STXBP5: variants seen among roughly 807,000 people sequenced by gnomAD.
STXBP5 encodes the protein syntaxin-binding protein 5.
Under a neutral mutation model 152.4 loss-of-function variants are expected in STXBP5, and 50 were observed. The observed-to-expected ratio is 0.33, with a 90% CI of 0.26 to 0.42. The LOEUF (loss-of-function observed/expected upper bound fraction) is 0.42, where lower values mean the gene tolerates loss of function less well. Ranked by LOEUF, STXBP5 falls within the 10% of genes least tolerant of loss-of-function variation. STXBP5 has a pLI of 1.00. For synonymous variants in STXBP5, 492 were observed against 494.7 expected, an observed-to-expected ratio of 0.99 and a Z score of 0.07; for missense variants, 1,167 against 1,388.6, an observed-to-expected ratio of 0.84 and a Z score of 2.54.
chr6:147,368,225 A>G (rs1039474154), intron 25 of STXBP5, among the ~76,000 whole-genome samples: 33 of 151,758 alleles, frequency 2.2e-4, no homozygotes, highest in African/African-American at 7.7e-4. Context: ...CCTATAAACC[A>G]ATATCTCTCA....
At chr6:147,303,644 A>T (rs1339864906) in intron 9 of STXBP5, among the ~76,000 whole-genome samples, 1 of 152,206 alleles carries the variant, frequency 6.6e-6, no homozygotes, top group Non-Finnish European at 1.5e-5. Context: ...AGACAGAAAG[A>T]TGTAGGCGAG....
At chr6:147,321,760 T>G (rs1314054713) in intron 16 of STXBP5, among the ~76,000 whole-genome samples, 3 of 152,248 alleles carry the variant, frequency 2.0e-5, no homozygotes, top group African/African-American at 7.2e-5. Flanking sequence ...TGGAACTCTT[T>G]ATAAAACTTT....
chr6:147,205,304 C>T (rs542324646), intron 1 of STXBP5, among the ~76,000 whole-genome samples: 10 of 151,750 alleles, frequency 6.6e-5, no homozygotes, highest in African/African-American at 2.2e-4. Flanking sequence ...AAACTTGCCT[C>T]GGTTTTAATA....
At chr6:147,328,768 GTTC>G (rs1562249067) in intron 18 of STXBP5, 4 of 470,480 alleles carry the variant, frequency 8.5e-6, no homozygotes, top group African/African-American at 2.0e-5. Flanking sequence ...AAAAAACTAC[GTTC>G]TTCTTTTTTA....
chr6:147,319,687 T>G (rs1287617578), intron 16 of STXBP5, among the ~76,000 whole-genome samples: 1 of 152,164 alleles, frequency 6.6e-6, no homozygotes, highest in African/African-American at 2.4e-5. Flanking sequence ...CAGTATGTTT[T>G]ATAAAATGGA....
intron 16 of STXBP5, among the ~76,000 whole-genome samples, chr6:147,320,577 G>GTGTGTGTT (rs1554297933): frequency 1.5e-5 from 2 of 131,074 alleles, no homozygotes; most frequent in Admixed American, 8.0e-5. Context: ...GTGTGTGTGT[G>GTGTGTGTT]TGTGTGTGTG....
At chr6:147,359,674 T>C (rs1029135419) in intron 23 of STXBP5, among the ~76,000 whole-genome samples, 1 of 140,832 alleles carries the variant, frequency 7.1e-6, no homozygotes, top group Non-Finnish European at 1.5e-5. Flanking sequence ...TGTGTTCTCA[T>C]TGTTCAGTTC....
chr6:147,289,662 A>G (rs974773018), intron 8 of STXBP5, among the ~76,000 whole-genome samples: 5 of 152,296 alleles, frequency 3.3e-5, no homozygotes, highest in African/African-American at 7.2e-5. Flanking sequence ...TAAAAGAAGT[A>G]TACATGACCA....
rs1334000084 is a variant in STXBP5, at chr6:147,390,313, A to G, written c.*5558A>G. The G allele has an allele frequency of 6.6e-6, 1 of 152,078 alleles. No individual in the cohort carries two copies. The highest frequency in any genetic ancestry group is 1.5e-5 in the Non-Finnish European group (1 of 67,984). The allele number at this position is 152,078 out of a possible 1,614,324, so 9.4% of individuals were successfully genotyped here. A position where few individuals can be genotyped will look rare whatever the true frequency, so the allele number is the denominator to read the frequency against. On this transcript the variant is annotated 3_prime_UTR_variant, in exon 28 of 28. Transcript: ENST00000321680. Reference sequence around the variant, plus strand: ...AAAGTTTAAAATTAGGTAATGAAATATTTTTGTAAATAAATACCGTTAAGC... The same window carrying G: ...AAAGTTTAAAATTAGGTAATGAAATGTTTTTGTAAATAAATACCGTTAAGC...
intron 18 of STXBP5, among the ~76,000 whole-genome samples, chr6:147,332,819 C>T (rs927445507): frequency 1.3e-5 from 2 of 152,102 alleles, no homozygotes; most frequent in African/African-American, 4.8e-5. Flanking sequence ...TAATTCAACT[C>T]CTAAATGTTT....
At chr6:147,295,694 T>C (rs1781485336) in intron 9 of STXBP5, among the ~76,000 whole-genome samples, 1 of 152,156 alleles carries the variant, frequency 6.6e-6, no homozygotes, top group African/African-American at 2.4e-5. Context: ...ACAGTCCCCA[T>C]TACCACTGCA....
Position 147,359,204 on chromosome 6 carries a change from C to G in STXBP5, c.2426C>G (p.Ser809Trp). Residue 809 changes from serine to tryptophan, a missense_variant, in exon 23 of 28, where the codon TCG (serine) becomes TGG (tryptophan). Ser to Trp is a radical substitution (Grantham distance 177, BLOSUM62 -3). Coordinates refer to ENST00000321680, the MANE Select transcript of STXBP5 (RefSeq NM_001127715.4). ...FCETFTRKTD[S>W]SPSPCLWVGT... The stretch of plus-strand genomic sequence containing the variant: ...GAAACGTTTACTCGAAAGACGGACT[C>G]GTCCCCTTCCCCTTGTCTATGGGTT... The G allele has an allele frequency of 6.2e-7, 1 of 1,614,038 alleles. No individual in the cohort carries two copies. The highest frequency in any genetic ancestry group is 8.5e-7 in the Non-Finnish European group (1 of 1,179,936).
In STXBP5 at chr6:147,341,501, A is replaced by G. The variant is rs182688086; in HGVS notation, c.2254+2117A>G. ...ATACAAGCATTTATAGCTTCAACTTATAGGTAGTTATACAGTGGCTGGGAA... is the reference window on the plus strand; with the variant it reads ...ATACAAGCATTTATAGCTTCAACTTGTAGGTAGTTATACAGTGGCTGGGAA... On this transcript the variant is annotated intron_variant, in intron 21 of 27. Coordinates refer to ENST00000321680, the MANE Select transcript of STXBP5 (RefSeq NM_001127715.4). Among the ~76,000 whole-genome samples the G allele has an allele frequency of 7.6e-4, 115 of 152,296 alleles. 1 individual carries two copies. The highest frequency in any genetic ancestry group is 5.2e-3 in the Admixed American group (79 of 15,280).
intron 26 of STXBP5, among the ~76,000 whole-genome samples, chr6:147,374,600 A>G (rs1398656884): frequency 1.3e-5 from 2 of 152,292 alleles, no homozygotes; most frequent in East Asian, 3.9e-4. Context: ...GTTATATAAA[A>G]CTCAGAAAAC....
intron 14 of STXBP5, among the ~76,000 whole-genome samples, chr6:147,314,845 A>G (rs539337936): frequency 1.2e-4 from 18 of 152,228 alleles, no homozygotes; most frequent in Non-Finnish European, 1.9e-4. Context: ...CAAGTATTCA[A>G]TTTTATTTTT....
rs1417897650 is a variant in STXBP5, at chr6:147,385,956, C to T, written c.*1201C>T. 1.3e-5 allele frequency: 2 copies of T among 152,012 alleles called. No individual in the cohort carries two copies. Among genetic ancestry groups the T allele is most frequent in the African/African-American group, 4.8e-5 (2 of 41,410 alleles). The allele number at this position is 152,012 out of a possible 1,614,324, so 9.4% of individuals were successfully genotyped here. ...AATATACTATAAATCTGTACATATCCTTTCAAGGTTTTAAAAAACCAAAAA... is the reference window on the plus strand; with the variant it reads ...AATATACTATAAATCTGTACATATCTTTTCAAGGTTTTAAAAAACCAAAAA... On this transcript the variant is annotated 3_prime_UTR_variant, in exon 28 of 28. Coordinates refer to ENST00000321680, the MANE Select transcript of STXBP5 (RefSeq NM_001127715.4).
intron 2 of STXBP5, among the ~76,000 whole-genome samples, chr6:147,214,705 G>T (rs1203905581): frequency 6.6e-6 from 1 of 152,058 alleles, no homozygotes; most frequent in Non-Finnish European, 1.5e-5. Context: ...TCTAAAAATA[G>T]ACCTTTTGGA....
chr6:147,292,307 T>A (rs1781319483), intron 9 of STXBP5: 2 of 446,760 alleles, frequency 4.5e-6, no homozygotes, highest in Non-Finnish European at 9.0e-6. Context: ...AACAATAGAT[T>A]AAATGAACTC....
intron 25 of STXBP5, among the ~76,000 whole-genome samples, chr6:147,369,623 G>A (rs1583006391): frequency 1.3e-5 from 2 of 151,952 alleles, no homozygotes; most frequent in East Asian, 3.9e-4. Context: ...AGAAGGAAGA[G>A]AAACAACCCA....
Sources: gnomAD v4.1 joint callset for allele counts (sites outside exome capture counted in the v4.1 genomes callset) on GRCh38, gnomAD v4.1.1 for gene constraint, MANE v1.5 for transcripts, NCBI Gene and HGNC (gene_info 2026-07-23, HGNC 2026-07-21) for gene names.